Variants in MED12L observed in about 807,000 individuals in gnomAD.
The protein encoded by MED12L is mediator complex subunit 12L.
A neutral mutation model predicts 281.3 loss-of-function variants in MED12L; 60 were observed. The observed-to-expected ratio is 0.21, with a 90% CI of 0.17 to 0.26. The LOEUF is 0.26. Ranked by LOEUF, MED12L falls within the 10% of genes least tolerant of loss-of-function variation. The pLI is 1.00. For synonymous variants in MED12L, 974 were observed against 987.2 expected, an observed-to-expected ratio of 0.99 and a Z score of 0.25; for missense variants, 2,146 against 2,680.9, an observed-to-expected ratio of 0.80 and a Z score of 4.41.
chr3:151,376,964 T>A (rs1302725591), intron 29 of MED12L, 27 bp from the exon 30 acceptor site: 2 of 1,611,816 alleles, frequency 1.2e-6, no homozygotes, highest in Non-Finnish European at 1.7e-6. Context: ...TACACATATG[T>A]GCCAGTATTC....
At chr3:151,273,628 A>G (rs1741382053) in intron 16 of MED12L, among the ~76,000 whole-genome samples, 5 of 152,130 alleles carry the variant, frequency 3.3e-5, no homozygotes, top group Admixed American at 3.3e-4. Flanking sequence ...AAAATGAGGC[A>G]TAGAGTTGTT....
intron 5 of MED12L, among the ~76,000 whole-genome samples, chr3:151,141,831 G>T (rs895159512): frequency 2.0e-5 from 3 of 152,150 alleles, no homozygotes; most frequent in African/African-American, 7.2e-5. Flanking sequence ...TTGTCACTTT[G>T]GGTGAATGGT....
intron 7 of MED12L, among the ~76,000 whole-genome samples, chr3:151,159,604 A>G (rs1274203336): frequency 6.6e-6 from 1 of 152,236 alleles, no homozygotes; most frequent in East Asian, 1.9e-4. Context: ...ATATTGGGCT[A>G]AATAAAATAC....
chr3:151,194,991 C>T (rs777021967), intron 16 of MED12L, among the ~76,000 whole-genome samples: 4 of 152,034 alleles, frequency 2.6e-5, no homozygotes, highest in African/African-American at 7.2e-5. Flanking sequence ...GGTGAAACCC[C>T]GTATCTACTA....
intron 4 of MED12L, among the ~76,000 whole-genome samples, chr3:151,127,471 T>C (rs925632373): frequency 6.6e-6 from 1 of 152,234 alleles, no homozygotes; most frequent in African/African-American, 2.4e-5. Context: ...ATAAATTCTT[T>C]GGAGGACTGT....
intron 16 of MED12L, among the ~76,000 whole-genome samples, chr3:151,219,134 T>C (rs6767615): frequency 0.066 from 10,100 of 152,180 alleles, 1,010 homozygotes; most frequent in African/African-American, 0.22. Flanking sequence ...AGAATGTCAA[T>C]GCCAAAGATT....
rs1720135124 is a variant in MED12L at position 151,435,983 on chromosome 3, A to AGTT, written c.*3180_*3182dup. 6.6e-6 allele frequency: 1 copy of AGTT among 152,200 alleles called. No individual in the cohort carries two copies. The highest frequency in any genetic ancestry group is 2.4e-5 in the African/African-American group (1 of 41,440). 9.4% of individuals were successfully genotyped at this position (152,200 alleles called of 1,614,324 possible). On this transcript the variant is annotated 3_prime_UTR_variant, in exon 45 of 45. Transcript: ENST00000687756. Reference sequence around the variant, plus strand: ...GAGCTAGATTTTAAAGTTATAAAGAAGTTTCATTGTATTTTTAAAACCTTT... The same window carrying AGTT: ...GAGCTAGATTTTAAAGTTATAAAGAAGTTGTTTCATTGTATTTTTAAAACCTTT...
At chr3:151,328,791 C>A in intron 16 of MED12L, 1 of 1,613,870 alleles carries the variant, frequency 6.2e-7, no homozygotes, top group Non-Finnish European at 8.5e-7. Flanking sequence ...ATTATCAAGT[C>A]GGCCACCAAA....
In MED12L at chr3:151,294,805, A is replaced by G. The variant is rs761190452; in HGVS notation, c.2251-55254A>G. 22 of 1,614,188 alleles carry G rather than the reference A, an allele frequency of 1.4e-5. No individual in the cohort carries two copies. In the East Asian group the frequency reaches 4.9e-4, roughly 36 times the overall value. On this transcript the variant is annotated intron_variant, in intron 16 of 44. Transcript: ENST00000687756. ...TTATGCTGTACATCCGAGAGTCCCC[A>G]AATGGCTTGACCACCTTCAGATAGC...
intron 11 of MED12L, among the ~76,000 whole-genome samples, chr3:151,171,681 G>T (rs1341977037): frequency 6.6e-6 from 1 of 152,196 alleles, no homozygotes; most frequent in Admixed American, 6.5e-5. Context: ...GTGATGTTTT[G>T]AATGGCAAAG....
At chr3:151,132,344 T>A (rs1163988731) in intron 5 of MED12L, among the ~76,000 whole-genome samples, 1 of 152,224 alleles carries the variant, frequency 6.6e-6, no homozygotes, top group Non-Finnish European at 1.5e-5. Flanking sequence ...GTTGCCTTTG[T>A]CATGTTTTTT....
rs1755458942 is a variant in MED12L, at chr3:151,367,744, A to G, written c.3426A>G (p.Ala1142=). Residue 1142 remains alanine, a synonymous_variant, in exon 24 of 45, where the codon GCA becomes GCG. Coordinates refer to ENST00000687756, the MANE Select transcript of MED12L (RefSeq NM_001393769.1). ...TGGAGGACGTCGTGCAGCATGTCGC[A>G]CTTCCCTCTCTTCTAGCAGCAGGTA... ...FSLEDVVQHV[A]LPSLLAAACG... 1.2e-6 allele frequency: 2 copies of G among 1,610,522 alleles called. No homozygotes were observed. The highest frequency in any genetic ancestry group is 2.2e-5 in the East Asian group (1 of 44,732).
intron 8 of MED12L, 105 bp downstream of exon 8, chr3:151,160,206 T>C: frequency 9.2e-7 from 1 of 1,081,864 alleles, no homozygotes; most frequent in South Asian, 1.7e-5. Flanking sequence ...CAACTCTAGT[T>C]TTTTCCTCAC....
At chr3:151,117,924 C>G (rs1713095228) in intron 3 of MED12L, among the ~76,000 whole-genome samples, 1 of 151,820 alleles carries the variant, frequency 6.6e-6, no homozygotes, top group African/African-American at 2.4e-5. Flanking sequence ...AACCCTGTCT[C>G]TACTAAAAAT....
At chr3:151,384,031 T>A in intron 34 of MED12L, 52 bp from the exon 35 acceptor site, 1 of 1,560,468 alleles carries the variant, frequency 6.4e-7, no homozygotes, top group Non-Finnish European at 8.7e-7. Context: ...CTCAGTTAAA[T>A]AAGTGTATTT....
intron 16 of MED12L, among the ~76,000 whole-genome samples, chr3:151,204,188 G>A (rs1425083836): frequency 6.6e-6 from 1 of 152,164 alleles, no homozygotes; most frequent in Admixed American, 6.5e-5. Context: ...CATTGGCTTG[G>A]TAGGTGCTTT....
At chr3:151,207,046 GA>G (rs1449928792) in intron 16 of MED12L, among the ~76,000 whole-genome samples, 1 of 146,798 alleles carries the variant, frequency 6.8e-6, no homozygotes, top group Non-Finnish European at 1.5e-5. Context: ...CTAGCCATGT[GA>G]TTTTTTTTTT....
intron 16 of MED12L, among the ~76,000 whole-genome samples, chr3:151,346,893 A>C (rs1255085586): frequency 6.6e-6 from 1 of 152,170 alleles, no homozygotes; most frequent in Non-Finnish European, 1.5e-5. Flanking sequence ...TGTAAATTCA[A>C]AAGTTCCCTG....
At chr3:151,242,985 C>T (rs1734526889) in intron 16 of MED12L, among the ~76,000 whole-genome samples, 2 of 151,580 alleles carry the variant, frequency 1.3e-5, no homozygotes, top group African/African-American at 2.4e-5. Flanking sequence ...GCCTCAGGAG[C>T]CCATGCGATC....
Sources: gnomAD v4.1 joint callset for allele counts (sites outside exome capture counted in the v4.1 genomes callset) on GRCh38, gnomAD v4.1.1 for gene constraint, MANE v1.5 for transcripts, NCBI Gene and HGNC (gene_info 2026-07-23, HGNC 2026-07-21) for gene names.